The following LRP1B variants were observed in gnomAD, a reference collection of about 807,000 sequenced individuals.
The protein encoded by LRP1B is low-density lipoprotein receptor-related protein 1B.
A neutral mutation model predicts 556.6 loss-of-function variants in LRP1B; 217 were observed. The observed-to-expected ratio is 0.39, with a 90% confidence interval of 0.35 to 0.44. LRP1B has a LOEUF of 0.44. Ranked by LOEUF, LRP1B falls within the 20% of genes least tolerant of loss-of-function variation. The probability of loss-of-function intolerance (pLI) is 1.00; values close to 1 mark genes in which losing one functional copy is unlikely to be tolerated. For missense variants in LRP1B, 5,053 were observed against 5,620.8 expected (o/e 0.90, Z 3.23); for synonymous variants, 2,047 against 1,865.8 (o/e 1.10, Z -2.50).
At chr2:141,921,043 T>A (rs567049444) in intron 1 of LRP1B, among the ~76,000 whole-genome samples, 7 of 152,014 alleles carry the variant, frequency 4.6e-5, no homozygotes, top group Non-Finnish European at 1.0e-4. Flanking sequence ...AACTTCAACA[T>A]GTAGTATGTA....
At chr2:141,874,710 T>C (rs1329877131) in intron 1 of LRP1B, among the ~76,000 whole-genome samples, 1 of 151,944 alleles carries the variant, frequency 6.6e-6, no homozygotes, top group Non-Finnish European at 1.5e-5. Context: ...ATATTTCTCA[T>C]GTGACCAGCA....
At chr2:141,514,225 G>A (rs761806421) in intron 2 of LRP1B, among the ~76,000 whole-genome samples, 1 of 152,144 alleles carries the variant, frequency 6.6e-6, no homozygotes, top group Non-Finnish European at 1.5e-5. Context: ...CATAGAGCTG[G>A]AGCCTGCTTG....
chr2:140,860,960 A>G (rs548823067), intron 27 of LRP1B, among the ~76,000 whole-genome samples: 75 of 151,638 alleles, frequency 4.9e-4, no homozygotes, highest in Admixed American at 1.4e-3. Context: ...TGTAAAACGA[A>G]GTAAGAGAAT....
At chr2:141,986,057 C>G (rs574600983) in intron 1 of LRP1B, among the ~76,000 whole-genome samples, 1 of 151,820 alleles carries the variant, frequency 6.6e-6, no homozygotes, top group Non-Finnish European at 1.5e-5. Context: ...GTAATATGGG[C>G]TTCTTTCTCA....
chr2:142,124,078 G>A (rs1347668866), intron 1 of LRP1B, among the ~76,000 whole-genome samples: 1 of 150,006 alleles, frequency 6.7e-6, no homozygotes, highest in Non-Finnish European at 1.5e-5. Flanking sequence ...ACATGTGAAG[G>A]TTTGTTACAT....
intron 1 of LRP1B, among the ~76,000 whole-genome samples, chr2:142,093,584 A>G (rs1706252355): frequency 6.6e-6 from 1 of 152,112 alleles, no homozygotes; most frequent in Non-Finnish European, 1.5e-5. Flanking sequence ...CTAGAAAACC[A>G]GAAAGGCAAG....
intron 83 of LRP1B, among the ~76,000 whole-genome samples, chr2:140,312,507 A>T (rs1431102898): frequency 6.6e-6 from 1 of 152,020 alleles, no homozygotes; most frequent in Non-Finnish European, 1.5e-5. Context: ...GTGTAAATAT[A>T]GCTGTTAACA....
chr2:141,615,590 ATT>A (rs1688267564), intron 2 of LRP1B, among the ~76,000 whole-genome samples: 1 of 152,122 alleles, frequency 6.6e-6, no homozygotes, highest in African/African-American at 2.4e-5. Context: ...TACAAAAATA[ATT>A]TTTAGTCTCT....
At chr2:140,319,641 G>A (rs1372175216) in intron 82 of LRP1B, among the ~76,000 whole-genome samples, 1 of 152,152 alleles carries the variant, frequency 6.6e-6, no homozygotes, top group African/African-American at 2.4e-5. Flanking sequence ...GGTGGGAGGA[G>A]GGAGAGGATT....
intron 2 of LRP1B, among the ~76,000 whole-genome samples, chr2:141,636,234 G>A (rs1689104515): frequency 6.6e-6 from 1 of 152,014 alleles, no homozygotes; most frequent in South Asian, 2.1e-4. Flanking sequence ...TAAATTAGTG[G>A]TATACAAAAA....
At chr2:140,729,794 C>T (rs760383414) in intron 35 of LRP1B, among the ~76,000 whole-genome samples, 4 of 152,120 alleles carry the variant, frequency 2.6e-5, no homozygotes, top group Non-Finnish European at 5.9e-5. Context: ...TTCATATTCT[C>T]TTCATAGTTA....
intron 2 of LRP1B, among the ~76,000 whole-genome samples, chr2:141,554,411 A>T (rs1290141713): frequency 6.6e-6 from 1 of 150,522 alleles, no homozygotes; most frequent in African/African-American, 2.4e-5. Flanking sequence ...ATCTATAGGA[A>T]TAGATATAGA....
At chr2:140,798,885 C>T (rs1369502702) in intron 32 of LRP1B, among the ~76,000 whole-genome samples, 3 of 152,208 alleles carry the variant, frequency 2.0e-5, no homozygotes, top group African/African-American at 7.2e-5. Flanking sequence ...CGTGATCAAT[C>T]CAGTTTTCAG....
At chr2:140,534,192 T>C in intron 46 of LRP1B, 52 bp from the exon 47 acceptor site, 1 of 1,517,272 alleles carries the variant, frequency 6.6e-7, no homozygotes, top group Non-Finnish European at 9.0e-7. Context: ...GAAATATTTG[T>C]ACAAAATGAA....
intron 1 of LRP1B, among the ~76,000 whole-genome samples, chr2:141,932,471 A>T (rs1430980349): frequency 6.6e-6 from 1 of 152,032 alleles, no homozygotes; most frequent in East Asian, 1.9e-4. Context: ...TAATCCATGT[A>T]AGCCCTCTAT....
chr2:141,791,849 T>C (rs539880263), intron 2 of LRP1B, among the ~76,000 whole-genome samples: 42 of 152,028 alleles, frequency 2.8e-4, no homozygotes, highest in Non-Finnish European at 4.1e-4. Flanking sequence ...ATGCTGGTTA[T>C]GTCCACTTAC....
chr2:141,978,599 A>G (rs1404537728), intron 1 of LRP1B, among the ~76,000 whole-genome samples: 1 of 151,984 alleles, frequency 6.6e-6, no homozygotes, highest in Non-Finnish European at 1.5e-5. Flanking sequence ...CAGGTTAATC[A>G]TAGGTGTTCT....
chr2:140,929,664 C>A (rs1038010296), intron 20 of LRP1B, among the ~76,000 whole-genome samples: 11 of 151,688 alleles, frequency 7.3e-5, no homozygotes, highest in African/African-American at 2.4e-4. Context: ...AGAATAAAAT[C>A]TCCAAGAACC....
chr2:141,610,664 A>G (rs1688078057), intron 2 of LRP1B, among the ~76,000 whole-genome samples: 3 of 152,106 alleles, frequency 2.0e-5, no homozygotes, highest in African/African-American at 2.4e-5. Flanking sequence ...TCATTTCTAC[A>G]CCATTTGGCT....
Sources: allele counts gnomAD v4.1 joint callset (sites outside exome capture counted in the v4.1 genomes callset), GRCh38; gene constraint gnomAD v4.1.1; transcripts MANE v1.5; gene names NCBI Gene and HGNC (gene_info 2026-07-23, HGNC 2026-07-21).